Variants in ASH1L observed in about 807,000 individuals in gnomAD.
The protein encoded by ASH1L is histone-lysine N-methyltransferase ASH1L.
In ASH1L, 23 loss-of-function variants were observed where a neutral mutation model predicts 269.0. The observed-to-expected ratio is 0.09, with a 90% CI of 0.06 to 0.12. The LOEUF is 0.12. ASH1L is among the 10% of genes least tolerant of loss of function. ASH1L has a pLI of 1.00. For synonymous variants in ASH1L, 1,187 were observed against 1,253.5 expected, an observed-to-expected ratio of 0.95 and a Z score of 1.12; for missense variants, 2,912 against 3,567.8, an observed-to-expected ratio of 0.82 and a Z score of 4.68.
At chr1:155,411,608 T>TATATATAC (rs1659809798) in intron 6 of ASH1L, among the ~76,000 whole-genome samples, 1 of 122,498 alleles carries the variant, frequency 8.2e-6, no homozygotes, top group African/African-American at 3.0e-5. Flanking sequence ...TATATATATA[T>TATATATAC]ATATATATAT....
rs746169127 is a variant in ASH1L at position 155,562,155 on chromosome 1, T to A, written c.-102A>T. The A allele has an allele frequency of 6.4e-7, 1 of 1,561,868 alleles. No individual in the cohort carries two copies. The highest frequency in any genetic ancestry group is 1.1e-5 in the South Asian group (1 of 87,484). The stretch of plus-strand genomic sequence containing the variant: ...CCGGCCCAAATCGTTCTACTCACCG[T>A]GTCGGAGGCCGAGGCCGAGGCCGAG... On this transcript the variant is annotated splice_region_variant and 5_prime_UTR_variant, in exon 1 of 28. Coordinates refer to ENST00000392403, the MANE Select transcript of ASH1L (RefSeq NM_018489.3).
Position 155,343,460 on chromosome 1 carries a change from T to C in ASH1L, c.8147A>G (p.His2716Arg), listed in dbSNP as rs1652980832. ...GTGTGTTTCGTGGGGACGGAAATAA[T>C]GGTGACCAAAGGCAAACCGTTCCTC... is the stretch of plus-strand genomic sequence containing the variant. Reference protein sequence around the residue: ...EKEERFAFGHHYFRPHETHHS... With the variant: ...EKEERFAFGHRYFRPHETHHS... Residue 2716 changes from histidine to arginine, a missense_variant, in exon 24 of 28, where the codon CAT becomes CGT. This residue lies in a region of ASH1L where 179 missense variants were observed against 293.8 expected (regional missense o/e 0.61). Transcript: ENST00000392403. This position sits in a 1 kb window ranked among gnomAD's most constrained non-coding sequence, Gnocchi z 6.1. The C allele has an allele frequency of 6.2e-7, 1 of 1,614,126 alleles. No homozygotes were observed. Among genetic ancestry groups the C allele is most frequent in the Non-Finnish European group, 8.5e-7 (1 of 1,180,012 alleles).
At chr1:155,430,896 T>C (rs2148593480) in intron 5 of ASH1L, among the ~76,000 whole-genome samples, 1 of 152,228 alleles carries the variant, frequency 6.6e-6, no homozygotes, top group East Asian at 1.9e-4. Flanking sequence ...TAGCTGAGAC[T>C]ATTGGTGTGG....
chr1:155,494,330 G>A (rs1209743996), intron 2 of ASH1L, among the ~76,000 whole-genome samples: 1 of 152,190 alleles, frequency 6.6e-6, no homozygotes, highest in East Asian at 1.9e-4. Context: ...AATGTTGCAG[G>A]TGGTAGGAAA....
intron 12 of ASH1L, among the ~76,000 whole-genome samples, chr1:155,369,914 T>G (rs1655778913): frequency 6.6e-6 from 1 of 152,048 alleles, no homozygotes; most frequent in African/African-American, 2.4e-5. Flanking sequence ...GGATTATAGG[T>G]GCACGCTACC....
At chr1:155,426,752 CA>C (rs1217483568) in intron 5 of ASH1L, among the ~76,000 whole-genome samples, 1 of 152,036 alleles carries the variant, frequency 6.6e-6, no homozygotes, top group Non-Finnish European at 1.5e-5. Context: ...TATGTATCCA[CA>C]AAAAATAAAA....
intron 16 of ASH1L, among the ~76,000 whole-genome samples, chr1:155,354,108 A>G (rs1167363208): frequency 6.6e-6 from 1 of 152,246 alleles, no homozygotes; most frequent in Admixed American, 6.5e-5. Flanking sequence ...TAAATAGATT[A>G]TCTGCTGGAA....
At chr1:155,548,606 A>G (rs1266426755) in intron 1 of ASH1L, among the ~76,000 whole-genome samples, 7 of 152,230 alleles carry the variant, frequency 4.6e-5, no homozygotes, top group Non-Finnish European at 1.0e-4. Flanking sequence ...AGTACTTGTT[A>G]GAGTTTCTTA....
chr1:155,367,114 C>T (rs1225937071), intron 12 of ASH1L, among the ~76,000 whole-genome samples: 2 of 151,744 alleles, frequency 1.3e-5, no homozygotes, highest in Non-Finnish European at 2.9e-5. Context: ...TTGCCTCAGC[C>T]TCCCAAGTAG....
intron 21 of ASH1L, 102 bp from the exon 22 acceptor site, chr1:155,344,375 T>C: frequency 1.2e-6 from 1 of 844,852 alleles, no homozygotes; most frequent in Non-Finnish European, 1.9e-6. Context: ...TGTTTAGTCA[T>C]TTCAATATAC....
At chr1:155,405,829 CAAA>C (rs201440660) in intron 6 of ASH1L, among the ~76,000 whole-genome samples, 10 of 77,030 alleles carry the variant, frequency 1.3e-4, no homozygotes, top group Admixed American at 1.5e-4. Context: ...TTCTCTGTGT[CAAA>C]AAAAAAAAAA....
chr1:155,349,110 G>C (rs1347243827), intron 19 of ASH1L, among the ~76,000 whole-genome samples: 1 of 151,686 alleles, frequency 6.6e-6, no homozygotes, highest in African/African-American at 2.4e-5. Context: ...TTTTGGGGGG[G>C]AATGATTTAA....
chr1:155,403,891 TA>T (rs760922886), intron 6 of ASH1L, among the ~76,000 whole-genome samples: 996 of 137,842 alleles, frequency 7.2e-3, no homozygotes, highest in African/African-American at 8.6e-3. Context: ...TTCCTACCAT[TA>T]AAAAAAAAAA....
chr1:155,523,005 A>G (rs1186187646), intron 1 of ASH1L, among the ~76,000 whole-genome samples: 3 of 152,080 alleles, frequency 2.0e-5, no homozygotes, highest in Admixed American at 6.6e-5. Flanking sequence ...ACTAGTGAAT[A>G]TATTAATAAA....
At chr1:155,536,316 A>G (rs563277400) in intron 1 of ASH1L, among the ~76,000 whole-genome samples, 3 of 152,200 alleles carry the variant, frequency 2.0e-5, no homozygotes, top group African/African-American at 7.2e-5. Context: ...GCAGACTTAT[A>G]AAGACTTTAG....
At chr1:155,347,502 A>G (rs1287666035) in intron 20 of ASH1L, among the ~76,000 whole-genome samples, 154 bp downstream of exon 20, 1 of 152,220 alleles carries the variant, frequency 6.6e-6, no homozygotes, top group Non-Finnish European at 1.5e-5. Context: ...GAGAAAGGCA[A>G]TATAGTAAAC....
chr1:155,503,164 T>G (rs1019243076), intron 2 of ASH1L, among the ~76,000 whole-genome samples: 2 of 152,184 alleles, frequency 1.3e-5, no homozygotes, highest in Non-Finnish European at 2.9e-5. Context: ...GAGAAGCAGG[T>G]GCCATTTTGT....
At position 155,339,309 on chromosome 1, in the gene ASH1L, A is replaced by C. The variant is rs756976218; in HGVS notation, c.8501+19T>G. 6.2e-7 allele frequency: 1 copy of C among 1,611,588 alleles called. No individual in the cohort carries two copies. The highest frequency in any genetic ancestry group is 1.1e-5 in the South Asian group (1 of 91,012). The stretch of plus-strand genomic sequence containing the variant: ...TTAGTCAATCCCTTAGGATCCTCAT[A>C]TCCCCCCATGGGACTTACCGTCCTC... On this transcript the variant is annotated intron_variant, in intron 26 of 27. Coordinates refer to ENST00000392403, the MANE Select transcript of ASH1L (RefSeq NM_018489.3).
intron 13 of ASH1L, 143 bp downstream of exon 13, chr1:155,360,158 G>T: frequency 1.7e-6 from 1 of 599,388 alleles, no homozygotes; most frequent in Non-Finnish European, 3.0e-6. Context: ...ACAAAGTGCT[G>T]GGATTAAAGG....
Sources: allele counts gnomAD v4.1 joint callset (sites outside exome capture counted in the v4.1 genomes callset), GRCh38; gene constraint gnomAD v4.1.1; regional missense constraint gnomAD v4.1.1; non-coding constraint Gnocchi (gnomAD v3.1); transcripts MANE v1.5; gene names NCBI Gene and HGNC (gene_info 2026-07-23, HGNC 2026-07-21).